Variants in PTPRO observed in about 807,000 individuals in gnomAD.
The protein encoded by PTPRO is receptor-type tyrosine-protein phosphatase O.
Under a neutral mutation model 145.2 loss-of-function variants are expected in PTPRO, and 62 were observed. The ratio of observed to expected loss-of-function variants is 0.43; its 90% CI spans 0.35 to 0.53. The LOEUF (loss-of-function observed/expected upper bound fraction) is 0.53, where lower values mean the gene tolerates loss of function less well. Ranked by LOEUF, PTPRO falls within the 20% of genes least tolerant of loss-of-function variation. The probability of loss-of-function intolerance (pLI) is 0.01; values close to 1 mark genes in which losing one functional copy is unlikely to be tolerated. For missense variants in PTPRO, 1,345 were observed against 1,482.7 expected (o/e 0.91, Z 1.53); for synonymous variants, 565 against 514.7 (o/e 1.10, Z -1.32).
chr12:15,572,056 A>G (rs1000534124), intron 19 of PTPRO, among the ~76,000 whole-genome samples: 4 of 152,228 alleles, frequency 2.6e-5, no homozygotes, highest in Admixed American at 2.0e-4. Context: ...TAGGAATCTA[A>G]AATCCTGAAT....
intron 8 of PTPRO, among the ~76,000 whole-genome samples, chr12:15,516,554 A>G (rs112150127): frequency 7.5e-6 from 1 of 133,028 alleles, no homozygotes; most frequent in Non-Finnish European, 1.6e-5. Context: ...GGAGGGAGGG[A>G]AGAAGGAAGG....
intron 23 of PTPRO, among the ~76,000 whole-genome samples, chr12:15,583,864 G>T (rs1432022213): frequency 1.3e-5 from 2 of 152,134 alleles, no homozygotes; most frequent in Non-Finnish European, 1.5e-5. Flanking sequence ...CTTGTTAACT[G>T]GCAGTTAACA....
At position 15,499,603 on chromosome 12, in the gene PTPRO, C is replaced by T. The variant is rs191278870; in HGVS notation, c.661+9C>T. On this transcript the variant is annotated intron_variant, in intron 4 of 26. Coordinates refer to ENST00000281171, the MANE Select transcript of PTPRO (RefSeq NM_030667.3). Reference sequence around the variant, plus strand: ...CAAACAGCACAGAACTGGTAAGTCTCCTGAAGAATCAAATACAGTGAAAAA... The same window carrying T: ...CAAACAGCACAGAACTGGTAAGTCTTCTGAAGAATCAAATACAGTGAAAAA... The T allele has an allele frequency of 3.9e-4, 635 of 1,609,732 alleles. 1 individual carries two copies. The Middle Eastern group carries it at 6.1e-3, about 15-fold the overall frequency.
At chr12:15,546,488 A>G (rs1015637919) in intron 12 of PTPRO, 81 bp from the exon 13 acceptor site, 4 of 1,541,996 alleles carry the variant, frequency 2.6e-6, no homozygotes, top group Non-Finnish European at 3.5e-6. Flanking sequence ...GAATTGGGGG[A>G]TGCTTCACCT....
intron 1 of PTPRO, among the ~76,000 whole-genome samples, chr12:15,433,042 T>C (rs1940489343): frequency 1.3e-5 from 2 of 151,706 alleles, no homozygotes; most frequent in African/African-American, 4.8e-5. Context: ...TTAGTTTAAT[T>C]AGATCCCAAT....
chr12:15,363,971 A>T (rs538271393), intron 1 of PTPRO, among the ~76,000 whole-genome samples: 1 of 152,318 alleles, frequency 6.6e-6, no homozygotes, highest in East Asian at 1.9e-4. Flanking sequence ...CACATGAATA[A>T]GTGAAACAAG....
chr12:15,427,331 T>G (rs1001780287), intron 1 of PTPRO, among the ~76,000 whole-genome samples: 9 of 152,036 alleles, frequency 5.9e-5, no homozygotes, highest in Admixed American at 4.6e-4. Context: ...TTAATATGTA[T>G]GCCTGATGAA....
Position 15,524,870 on chromosome 12 carries a change from A to G in PTPRO, c.1948A>G (p.Ser650Gly), listed in dbSNP as rs772467357. 13 of 1,613,084 alleles carry G rather than the reference A, an allele frequency of 8.1e-6. No homozygotes were observed. The Admixed American group carries it at 2.2e-4, about 27-fold the overall frequency. ...VEYFNSLLYI[S>G]WTYGDDTTDL... ...ATATTTCAACAGTCTGTTATATATCAGTTGGACATATGGGGATGATACAAC... is the reference window on the plus strand; with the variant it reads ...ATATTTCAACAGTCTGTTATATATCGGTTGGACATATGGGGATGATACAAC... The change falls in exon 11 of 27, where the codon AGT becomes GGT. Residue 650 changes from serine (S) to glycine (G), a missense_variant. Physicochemically the swap from Ser to Gly is moderately conservative, Grantham distance 56. Transcript: ENST00000281171.
intron 25 of PTPRO, among the ~76,000 whole-genome samples, chr12:15,591,765 A>T (rs968882279): frequency 4.4e-4 from 67 of 152,048 alleles, no homozygotes; most frequent in African/African-American, 1.5e-3. Flanking sequence ...CGGGAGGCTG[A>T]GGCAGGAGAA....
At position 15,501,770 on chromosome 12, in the gene PTPRO, C is replaced by A. The variant is rs1189322168; in HGVS notation, c.812C>A (p.Thr271Asn). 3 of 1,614,090 alleles carry A rather than the reference C, an allele frequency of 1.9e-6. No individual in the cohort carries two copies. In the South Asian group the frequency reaches 3.3e-5, roughly 18 times the overall value. ...AAACTCTTCCATTTTACAGAAGAAACCCCTGAAATTCCCTCGGGCAACATT... is the reference window on the plus strand; with the variant it reads ...AAACTCTTCCATTTTACAGAAGAAAACCCTGAAATTCCCTCGGGCAACATT... ...KEKLFHFTEE[T>N]PEIPSGNISS... Residue 271 changes from threonine to asparagine, a missense_variant, in exon 5 of 27, where the codon ACC (threonine) becomes AAC (asparagine). By Grantham distance (65) the Thr-to-Asn change is moderately conservative (BLOSUM62 0). Coordinates refer to ENST00000281171, the MANE Select transcript of PTPRO (RefSeq NM_030667.3).
Position 15,572,936 on chromosome 12 carries a change from G to T in PTPRO, c.2829+3438G>T, listed in dbSNP as rs184240916. Among the ~76,000 whole-genome samples, 367 of 152,240 alleles carry T rather than the reference G, an allele frequency of 2.4e-3. 4 individuals carry two copies. Among genetic ancestry groups the T allele is most frequent in the African/African-American group, 8.4e-3 (347 of 41,548 alleles). On this transcript the variant is annotated intron_variant, in intron 19 of 26. Transcript: ENST00000281171. ...GGCGTTAAATGCTCTTCAATGAGTG[G>T]GACATTCCCGCACAATAGAGAATTG... is the stretch of plus-strand genomic sequence containing the variant.
intron 1 of PTPRO, among the ~76,000 whole-genome samples, chr12:15,427,541 A>G (rs1940317460): frequency 6.6e-6 from 1 of 151,730 alleles, no homozygotes; most frequent in African/African-American, 2.4e-5. Context: ...ATGAAAACTG[A>G]TAATTTTATC....
chr12:15,587,240 A>G, intron 24 of PTPRO, 189 bp downstream of exon 24: 1 of 647,956 alleles, frequency 1.5e-6, no homozygotes. Context: ...TCTATACCCT[A>G]TAAAATAGAT....
intron 2 of PTPRO, among the ~76,000 whole-genome samples, chr12:15,491,988 G>C (rs1328693589): frequency 6.6e-6 from 1 of 152,136 alleles, no homozygotes; most frequent in Admixed American, 6.5e-5. Flanking sequence ...AAAGACCTGA[G>C]GATGCAGGAG....
At chr12:15,386,342 A>G (rs1169150917) in intron 1 of PTPRO, among the ~76,000 whole-genome samples, 1 of 152,210 alleles carries the variant, frequency 6.6e-6, no homozygotes, top group Non-Finnish European at 1.5e-5. Flanking sequence ...TATTTGAAAA[A>G]GAACAAAAAA....
chr12:15,546,529 T>C lies in PTPRO; in HGVS notation c.2165-40T>C, dbSNP rs1028354087. 7.7e-6 allele frequency: 12 copies of C among 1,550,156 alleles called. No homozygotes were observed. In the East Asian group the frequency reaches 2.0e-4, roughly 25 times the overall value. On this transcript the variant is annotated intron_variant, in intron 12 of 26. Coordinates refer to ENST00000281171, the MANE Select transcript of PTPRO (RefSeq NM_030667.3). ...TTAGTGAAAGAAGAAAGAATACACT[T>C]AGTAAATTAAATTTTTTTTAAAACT...
chr12:15,403,163 C>T (rs540615386), intron 1 of PTPRO, among the ~76,000 whole-genome samples: 1 of 152,272 alleles, frequency 6.6e-6, no homozygotes, highest in South Asian at 2.1e-4. Flanking sequence ...TGGTCTCTTC[C>T]TATCTGGCTT....
chr12:15,586,147 A>G (rs887374322), intron 23 of PTPRO, among the ~76,000 whole-genome samples: 1 of 152,232 alleles, frequency 6.6e-6, no homozygotes, highest in Admixed American at 6.5e-5. Flanking sequence ...AAGCTCAGTG[A>G]GTCAAGTCCT....
At chr12:15,535,850 C>T (rs376007388) in intron 12 of PTPRO, among the ~76,000 whole-genome samples, 1 of 152,104 alleles carries the variant, frequency 6.6e-6, no homozygotes, top group Non-Finnish European at 1.5e-5. Context: ...TCATACAAAC[C>T]TTTATAGAGA....
Sources: allele counts gnomAD v4.1 joint callset (sites outside exome capture counted in the v4.1 genomes callset), GRCh38; gene constraint gnomAD v4.1.1; transcripts MANE v1.5; gene names NCBI Gene and HGNC (gene_info 2026-07-23, HGNC 2026-07-21).